MAN1A1: variants seen among roughly 807,000 people sequenced by gnomAD.
MAN1A1 encodes the protein mannosyl-oligosaccharide 1,2-alpha-mannosidase IA.
In MAN1A1, 29 loss-of-function variants were observed where a neutral mutation model predicts 70.8. That is an observed-to-expected ratio of 0.41 (90% confidence interval 0.31 to 0.56). The LOEUF (loss-of-function observed/expected upper bound fraction) is 0.56, where lower values mean the gene tolerates loss of function less well. Ranked by LOEUF, MAN1A1 falls within the 20% of genes least tolerant of loss-of-function variation. MAN1A1 has a pLI of 0.29. For synonymous variants in MAN1A1, 349 were observed against 330.1 expected, an observed-to-expected ratio of 1.06 and a Z score of -0.62; for missense variants, 747 against 841.3, an observed-to-expected ratio of 0.89 and a Z score of 1.39.
intron 4 of MAN1A1, among the ~76,000 whole-genome samples, chr6:119,292,544 A>G (rs973231253): frequency 6.6e-6 from 1 of 152,034 alleles, no homozygotes; most frequent in Non-Finnish European, 1.5e-5. Context: ...CAGAAAAAAA[A>G]GGAGGTATGT....
intron 8 of MAN1A1, among the ~76,000 whole-genome samples, chr6:119,198,209 T>C (rs113839517): frequency 6.6e-6 from 1 of 152,132 alleles, no homozygotes; most frequent in Non-Finnish European, 1.5e-5. Flanking sequence ...GACAACATGG[T>C]GAAACCCCCA....
At chr6:119,267,155 C>CAGAT (rs1459029354) in intron 5 of MAN1A1, among the ~76,000 whole-genome samples, 1 of 152,170 alleles carries the variant, frequency 6.6e-6, no homozygotes, top group Non-Finnish European at 1.5e-5. Context: ...CAAAATAGTA[C>CAGAT]AGATAGTTTG....
chr6:119,235,828 T>C (rs1296429275), intron 6 of MAN1A1, among the ~76,000 whole-genome samples: 1 of 152,194 alleles, frequency 6.6e-6, no homozygotes, highest in Non-Finnish European at 1.5e-5. Context: ...CCAGAAATCC[T>C]AGGGCCCTTA....
At chr6:119,243,231 A>G (rs1203898914) in intron 6 of MAN1A1, among the ~76,000 whole-genome samples, 2 of 152,066 alleles carry the variant, frequency 1.3e-5, no homozygotes, top group Non-Finnish European at 2.9e-5. Flanking sequence ...CCATTAAATC[A>G]ATTTGATCTT....
At chr6:119,234,397 G>T (rs1347328980) in intron 6 of MAN1A1, among the ~76,000 whole-genome samples, 2 of 152,018 alleles carry the variant, frequency 1.3e-5, no homozygotes, top group African/African-American at 4.8e-5. Context: ...GTGTATGTAT[G>T]CAAAATAAAC....
chr6:119,180,072 A>G, intron 12 of MAN1A1, 127 bp from the exon 13 acceptor site: 2 of 1,030,452 alleles, frequency 1.9e-6, no homozygotes, highest in Non-Finnish European at 2.9e-6. Context: ...AGAGTCAAAT[A>G]TATCAAAACC....
chr6:119,332,096 C>A (rs934634052), intron 2 of MAN1A1: 38 of 384,178 alleles, frequency 9.9e-5, no homozygotes, highest in African/African-American at 2.1e-5. Context: ...AGAATATGTA[C>A]ATAAAGTGGT....
rs75065835 is a variant in MAN1A1 at position 119,197,077 on chromosome 6, G to A, written c.1211-3185C>T. Among the ~76,000 whole-genome samples, 1,305 of 152,282 alleles carry A rather than the reference G, an allele frequency of 8.6e-3. 19 individuals are homozygous for A. The highest frequency in any genetic ancestry group is 0.03 in the African/African-American group (1,246 of 41,554). ...TAATCCCAGAACATTGGGAGGCCGG[G>A]GAGGGCGGATCACCTGAGGTCAGGA... On this transcript the variant is annotated intron_variant, in intron 8 of 12. Transcript: ENST00000368468.
At chr6:119,227,671 A>G (rs1229773509) in intron 6 of MAN1A1, among the ~76,000 whole-genome samples, 1 of 152,154 alleles carries the variant, frequency 6.6e-6, no homozygotes, top group East Asian at 1.9e-4. Flanking sequence ...GTGTCACTAC[A>G]TAGCCCAGGA....
Position 119,272,488 on chromosome 6 carries a change from T to C in MAN1A1, c.897+18195A>G, listed in dbSNP as rs555785498. ...ACCTTTCAATTAGATCCTGTAGGAA[T>C]AGACAAAGTCACTGACTGTGCCAGG... On this transcript the variant is annotated intron_variant, in intron 5 of 12. Coordinates refer to ENST00000368468, the MANE Select transcript of MAN1A1 (RefSeq NM_005907.4). Among the ~76,000 whole-genome samples, 15 of 152,252 alleles carry C rather than the reference T, an allele frequency of 9.9e-5. 1 individual carries two copies. Among genetic ancestry groups the C allele is most frequent in the East Asian group, 1.9e-4 (1 of 5,190 alleles).
chr6:119,189,947 C>T (rs1221324995), intron 9 of MAN1A1, 64 bp from the exon 10 acceptor site: 3 of 1,244,500 alleles, frequency 2.4e-6, no homozygotes, highest in East Asian at 2.5e-5. Flanking sequence ...TAAAAATATG[C>T]CCAACATTAA....
intron 5 of MAN1A1, among the ~76,000 whole-genome samples, chr6:119,253,816 T>G (rs1484580270): frequency 1.5e-4 from 23 of 152,230 alleles, no homozygotes; most frequent in Admixed American, 1.5e-3. Context: ...GTTTGCAAAG[T>G]GCTCCATCCC....
intron 6 of MAN1A1, among the ~76,000 whole-genome samples, chr6:119,210,720 C>A (rs1163910999): frequency 6.6e-6 from 1 of 151,612 alleles, no homozygotes; most frequent in African/African-American, 2.4e-5. Context: ...CTTTTTAAAG[C>A]TAACTTATGT....
chr6:119,310,966 G>C (rs1772684756), intron 2 of MAN1A1, among the ~76,000 whole-genome samples: 1 of 152,168 alleles, frequency 6.6e-6, no homozygotes, highest in South Asian at 2.1e-4. Context: ...TTACTGAGGA[G>C]TAAGGCGTAA....
intron 5 of MAN1A1, among the ~76,000 whole-genome samples, chr6:119,278,275 G>T (rs1338279597): frequency 1.3e-5 from 2 of 152,164 alleles, no homozygotes; most frequent in Non-Finnish European, 2.9e-5. Flanking sequence ...GCTCTGTACA[G>T]GTATAGATGC....
intron 4 of MAN1A1, among the ~76,000 whole-genome samples, chr6:119,295,367 AAAT>A (rs1339105300): frequency 2.6e-5 from 4 of 152,192 alleles, no homozygotes; most frequent in African/African-American, 9.6e-5. Context: ...TTGACAATGA[AAAT>A]AACAAATTTT....
intron 5 of MAN1A1, among the ~76,000 whole-genome samples, chr6:119,275,259 C>CACCACCAT (rs1776024516): frequency 8.1e-6 from 1 of 123,988 alleles, no homozygotes; most frequent in Admixed American, 9.2e-5. Context: ...TGCAGGCATG[C>CACCACCAT]ACCACCATAC....
chr6:119,196,815 C>T (rs1773580481), intron 8 of MAN1A1, among the ~76,000 whole-genome samples: 1 of 152,114 alleles, frequency 6.6e-6, no homozygotes, highest in Admixed American at 6.5e-5. Flanking sequence ...GCTAGCTAGA[C>T]TAGATATAGA....
chr6:119,341,213 A>G (rs1773586884), intron 2 of MAN1A1, among the ~76,000 whole-genome samples: 2 of 152,076 alleles, frequency 1.3e-5, no homozygotes, highest in Non-Finnish European at 2.9e-5. Flanking sequence ...GGGGCGGGGC[A>G]CTGCTGCCAC....
Sources: allele counts gnomAD v4.1 joint callset (sites outside exome capture counted in the v4.1 genomes callset), GRCh38; gene constraint gnomAD v4.1.1; transcripts MANE v1.5; gene names NCBI Gene and HGNC (gene_info 2026-07-23, HGNC 2026-07-21).